TNNI3: variants seen among roughly 807,000 people sequenced by gnomAD.
TNNI3 encodes troponin I, cardiac muscle.
TNNI3 carries 23 observed loss-of-function variants against 31.5 expected under a neutral mutation model. That is an observed-to-expected ratio of 0.73 (90% confidence interval 0.52 to 1.03). The LOEUF (loss-of-function observed/expected upper bound fraction) is 1.03, where lower values mean the gene tolerates loss of function less well. Ranked by LOEUF, TNNI3 falls within the 50% of genes least tolerant of loss-of-function variation. The probability of loss-of-function intolerance (pLI) is 0.00; values close to 1 mark genes in which losing one functional copy is unlikely to be tolerated. For synonymous variants in TNNI3, 120 were observed against 111.7 expected, an observed-to-expected ratio of 1.07 and a Z score of -0.47; for missense variants, 236 against 282.9, an observed-to-expected ratio of 0.83 and a Z score of 1.19.
At position 55,157,163 on chromosome 19, in the gene TNNI3, C is replaced by T; in HGVS notation, c.25-30G>A. The T allele has an allele frequency of 6.3e-7, 1 of 1,590,418 alleles. No individual in the cohort carries two copies. Among genetic ancestry groups the T allele is most frequent in the Non-Finnish European group, 8.5e-7 (1 of 1,169,884 alleles). The stretch of plus-strand genomic sequence containing the variant: ...GTTAGGAGGAGTGGGGACCCCATCA[C>T]CACCAAGACCCCACCCAGCCCTTAC... On this transcript the variant is annotated intron_variant, in intron 2 of 7. Transcript: ENST00000344887. This position sits in a 1 kb window ranked among gnomAD's most constrained non-coding sequence, Gnocchi z 6.3.
At chr19:55,154,485 T>C (rs1169658924) in intron 6 of TNNI3, 5 of 619,828 alleles carry the variant, frequency 8.1e-6, no homozygotes, top group African/African-American at 7.3e-5. Context: ...TTTACCAACA[T>C]GTGATGCCCT....
In TNNI3 at chr19:55,157,065, C is replaced by T. The variant is rs765719980; in HGVS notation, c.93G>A (p.Thr31=). 3 of 1,597,014 alleles carry T rather than the reference C, an allele frequency of 1.9e-6. No homozygotes were observed. Among genetic ancestry groups the T allele is most frequent in the Admixed American group, 1.8e-5 (1 of 56,198 alleles). ...RRSSNYRAYA[T]EPHAKKKSKI... Reference sequence around the variant, plus strand: ...CCCGTCCCACCTTGGCGTGCGGCTCCGTGGCATAAGCGCGGTAGTTGGAGG... The same window carrying T: ...CCCGTCCCACCTTGGCGTGCGGCTCTGTGGCATAAGCGCGGTAGTTGGAGG... Residue 31 remains threonine (T), a synonymous_variant, in exon 3 of 8, where the codon ACG becomes ACA. Coordinates refer to ENST00000344887, the MANE Select transcript of TNNI3 (RefSeq NM_000363.5). The surrounding 1 kb of genome is among the most constrained non-coding windows in gnomAD (Gnocchi z 6.3).
At chr19:55,154,545 G>C in intron 6 of TNNI3, 196 bp downstream of exon 6, 3 of 669,704 alleles carry the variant, frequency 4.5e-6, no homozygotes, top group Non-Finnish European at 8.2e-6. Flanking sequence ...GGCCTTGCAT[G>C]TGCTGTTCCC....
Position 55,156,537 on chromosome 19 carries a change from C to G in TNNI3, c.150+66G>C, listed in dbSNP as rs1353044146. The G allele has an allele frequency of 1.3e-6, 2 of 1,545,060 alleles. No individual in the cohort carries two copies. The highest frequency in any genetic ancestry group is 1.8e-6 in the Non-Finnish European group (2 of 1,141,914). ...CTTCCGCCCACCTACCCCGAAAGCC[C>G]CACCCATTCTCAAGCTCCGCCCCCT... On this transcript the variant is annotated intron_variant, in intron 4 of 7. Coordinates refer to ENST00000344887, the MANE Select transcript of TNNI3 (RefSeq NM_000363.5). The surrounding 1 kb of genome is among the most constrained non-coding windows in gnomAD (Gnocchi z 4.6).
chr19:55,154,234 TCTC>T (rs747207562), intron 6 of TNNI3, 28 bp from the exon 7 acceptor site: 15 of 1,605,264 alleles, frequency 9.3e-6, no homozygotes, highest in Admixed American at 3.3e-5. Context: ...GGTGGGTACT[TCTC>T]CTTCCATTTC....
In TNNI3 at chr19:55,156,137, A is replaced by T; in HGVS notation, c.282+64T>A. 1.9e-6 allele frequency: 3 copies of T among 1,611,856 alleles called. No homozygotes were observed. Among genetic ancestry groups the T allele is most frequent in the Non-Finnish European group, 2.5e-6 (3 of 1,179,234 alleles). ...TGGACGCCTGGGTCCCGAGCAGAAG[A>T]GGGGATAGAGGCTGTACTGCTGAAT... On this transcript the variant is annotated intron_variant, in intron 5 of 7. Transcript: ENST00000344887. This position sits in a 1 kb window ranked among gnomAD's most constrained non-coding sequence, Gnocchi z 4.6.
Position 55,157,061 on chromosome 19 carries a change from G to T in TNNI3, c.97C>A (p.Pro33Thr), listed in dbSNP as rs1379608043. 1 of 1,594,956 alleles carries T rather than the reference G, an allele frequency of 6.3e-7. No individual in the cohort carries two copies. The highest frequency in any genetic ancestry group is 2.3e-5 in the East Asian group (1 of 44,266). Residue 33 changes from proline to threonine, a missense_variant, in exon 3 of 8, where the codon CCG (proline) becomes ACG (threonine). Transcript: ENST00000344887. The surrounding 1 kb of genome is among the most constrained non-coding windows in gnomAD (Gnocchi z 6.3). ...SSNYRAYATE[P>T]HAKKKSKISA... ...AAGCCCCGTCCCACCTTGGCGTGCG[G>T]CTCCGTGGCATAAGCGCGGTAGTTG...
In TNNI3 at chr19:55,157,017, C is replaced by A. The variant is rs1285502373; in HGVS notation, c.108+33G>T. 2 of 1,559,314 alleles carry A rather than the reference C, an allele frequency of 1.3e-6. No homozygotes were observed. The highest frequency in any genetic ancestry group is 1.7e-6 in the Non-Finnish European group (2 of 1,155,032). ...CCCAGGGTCTTGGATCCCTCCGGCG[C>A]CTGTACTCTGCCCCCAGGAAGCCCC... On this transcript the variant is annotated intron_variant, in intron 3 of 7. Transcript: ENST00000344887. The surrounding 1 kb of genome is among the most constrained non-coding windows in gnomAD (Gnocchi z 6.3).
At position 55,156,402 on chromosome 19, in the gene TNNI3, C is replaced by T. The variant is rs770639633; in HGVS notation, c.151-70G>A. On this transcript the variant is annotated intron_variant, in intron 4 of 7. Coordinates refer to ENST00000344887, the MANE Select transcript of TNNI3 (RefSeq NM_000363.5). The surrounding 1 kb of genome is among the most constrained non-coding windows in gnomAD (Gnocchi z 4.6). The stretch of plus-strand genomic sequence containing the variant: ...GATAAAGACCAGGCGTGGGGAACCG[C>T]CTCTGCCCTTCTAAACCCTCCAGTT... 7.7e-6 allele frequency: 12 copies of T among 1,559,404 alleles called. No homozygotes were observed. The African/African-American group carries it at 9.5e-5, about 12-fold the overall frequency.
In TNNI3 at chr19:55,156,489, C is replaced by A. The variant is rs2085730972; in HGVS notation, c.150+114G>T. On this transcript the variant is annotated intron_variant, in intron 4 of 7. Transcript: ENST00000344887. This position sits in a 1 kb window ranked among gnomAD's most constrained non-coding sequence, Gnocchi z 4.6. ...GCAGTACTCCCCGCTAAAGCCACGC[C>A]CCGAGCGGCCAAACCCCGCCCACTT... The A allele has an allele frequency of 6.6e-7, 1 of 1,513,808 alleles. No homozygotes were observed. Among genetic ancestry groups the A allele is most frequent in the East Asian group, 2.5e-5 (1 of 40,752 alleles). The allele number at this position is 1,513,808 out of a possible 1,614,324, so 93.8% of individuals were successfully genotyped here.
rs748329089 is a variant in TNNI3, at chr19:55,156,556, G to GC, written c.150+46dup. On this transcript the variant is annotated intron_variant, in intron 4 of 7. Transcript: ENST00000344887. This position sits in a 1 kb window ranked among gnomAD's most constrained non-coding sequence, Gnocchi z 4.6. ...AAAGCCCCACCCATTCTCAAGCTCC[G>GC]CCCCCTGAGCACCTGCCTGCTCTTT... 2.3e-4 allele frequency: 355 copies of GC among 1,519,214 alleles called. 2 individuals carry two copies. The Middle Eastern group carries it at 8.8e-3, about 37-fold the overall frequency. The allele number at this position is 1,519,214 out of a possible 1,614,324, so 94.1% of individuals were successfully genotyped here.
chr19:55,153,978 C>A, intron 7 of TNNI3, 52 bp downstream of exon 7: 2 of 1,605,646 alleles, frequency 1.2e-6, no homozygotes, highest in Non-Finnish European at 1.7e-6. Flanking sequence ...GTTGTTGGCA[C>A]CCACAGCCCT....
chr19:55,156,657 G>C lies in TNNI3; in HGVS notation c.109-13C>G. ...TCTTAGATTTTTTCTGCCAGGGTGA[G>C]ATGGAGCAAGGAAGGATCATGGAGG... On this transcript the variant is annotated splice_polypyrimidine_tract_variant and intron_variant, in intron 3 of 7. Coordinates refer to ENST00000344887, the MANE Select transcript of TNNI3 (RefSeq NM_000363.5). The surrounding 1 kb of genome is among the most constrained non-coding windows in gnomAD (Gnocchi z 4.6). 6.4e-7 allele frequency: 1 copy of C among 1,562,438 alleles called. No homozygotes were observed. Among genetic ancestry groups the C allele is most frequent in the South Asian group, 1.2e-5 (1 of 85,196 alleles).
In TNNI3 at chr19:55,156,802, C is replaced by T; in HGVS notation, c.109-158G>A. On this transcript the variant is annotated intron_variant, in intron 3 of 7. Coordinates refer to ENST00000344887, the MANE Select transcript of TNNI3 (RefSeq NM_000363.5). The surrounding 1 kb of genome is among the most constrained non-coding windows in gnomAD (Gnocchi z 4.6). ...CTACGGGAGGCCACGCCCCTCATTC[C>T]CATCCACCAATCTGGGTCTCTTCCT... is the stretch of plus-strand genomic sequence containing the variant. 1.1e-6 allele frequency: 1 copy of T among 902,120 alleles called. No individual in the cohort carries two copies. The allele number at this position is 902,120 out of a possible 1,614,324, so 55.9% of individuals were successfully genotyped here. A position where few individuals can be genotyped will look rare whatever the true frequency, so the allele number is the denominator to read the frequency against.
chr19:55,156,932 C>A lies in TNNI3; in HGVS notation c.108+118G>T. On this transcript the variant is annotated intron_variant, in intron 3 of 7. Transcript: ENST00000344887. The surrounding 1 kb of genome is among the most constrained non-coding windows in gnomAD (Gnocchi z 4.6). ...GAGCATGACCCTCTGCAAAACTCCG[C>A]CCCTGAAGCCCCTCCGCGTAGTCCC... The A allele has an allele frequency of 8.3e-7, 1 of 1,209,942 alleles. No individual in the cohort carries two copies. Among genetic ancestry groups the A allele is most frequent in the Non-Finnish European group, 1.2e-6 (1 of 850,268 alleles). The allele number at this position is 1,209,942 out of a possible 1,614,324, so 75.0% of individuals were successfully genotyped here.
intron 5 of TNNI3, among the ~76,000 whole-genome samples, chr19:55,155,240 G>A (rs2085720850): frequency 1.4e-5 from 1 of 69,194 alleles, no homozygotes; most frequent in African/African-American, 7.6e-5. Flanking sequence ...GAGGGAGGAG[G>A]GGCTGGGGCC....
Position 55,151,774 on chromosome 19 carries a change from TCAGA to T in TNNI3, c.*56_*59del. ...TAATAGACATGGAGTCACTTTCAGC[TCAGA>T]GAGAAGCTTTATTCCTCAGGGCCCT... On this transcript the variant is annotated 3_prime_UTR_variant, in exon 8 of 8. Coordinates refer to ENST00000344887, the MANE Select transcript of TNNI3 (RefSeq NM_000363.5). The T allele has an allele frequency of 1.2e-5, 18 of 1,535,052 alleles. No homozygotes were observed. Among genetic ancestry groups the T allele is most frequent in the Non-Finnish European group, 1.5e-5 (17 of 1,108,892 alleles).
chr19:55,154,783 C>T lies in TNNI3; in HGVS notation c.330G>A (p.Glu110=), dbSNP rs1010374485. The change falls in exon 6 of 8, where the codon GAG becomes GAA. Residue 110 remains glutamate (E), a synonymous_variant. Coordinates refer to ENST00000344887, the MANE Select transcript of TNNI3 (RefSeq NM_000363.5). ...LHARVDKVDE[E]RYDIEAKVTK... Reference sequence around the variant, plus strand: ...TGACTTTTGCCTCTATGTCGTATCTCTCTTCATCCACCTTGTCCACACGGG... The same window carrying T: ...TGACTTTTGCCTCTATGTCGTATCTTTCTTCATCCACCTTGTCCACACGGG... 6.2e-7 allele frequency: 1 copy of T among 1,614,220 alleles called. No homozygotes were observed. The highest frequency in any genetic ancestry group is 8.5e-7 in the Non-Finnish European group (1 of 1,180,020).
intron 5 of TNNI3, among the ~76,000 whole-genome samples, chr19:55,155,313 A>T (rs370429458): frequency 1.8e-4 from 1 of 5,590 alleles, no homozygotes; most frequent in Non-Finnish European, 3.1e-4. Context: ...AGGGAGGAGG[A>T]GCTGGGGCCT....
Sources: gnomAD v4.1 joint callset for allele counts (sites outside exome capture counted in the v4.1 genomes callset) on GRCh38, gnomAD v4.1.1 for gene constraint, Gnocchi (gnomAD v3.1) non-coding constraint, MANE v1.5 for transcripts, NCBI Gene and HGNC (gene_info 2026-07-23, HGNC 2026-07-21) for gene names.